Variants in SND1 observed in about 807,000 individuals in gnomAD.
SND1 encodes the protein staphylococcal nuclease and tudor domain containing 1.
A neutral mutation model predicts 121.7 loss-of-function variants in SND1; 38 were observed. The observed-to-expected ratio is 0.31, with a 90% CI of 0.24 to 0.41. The LOEUF (loss-of-function observed/expected upper bound fraction) is 0.41. Among genes scored for constraint, SND1 ranks in the 10% least tolerant of loss-of-function variants. The pLI is 1.00. For missense variants in SND1, 868 were observed against 1,184.6 expected, an observed-to-expected ratio of 0.73 and a Z score of 3.92; for synonymous variants, 401 against 447.4, an observed-to-expected ratio of 0.90 and a Z score of 1.31.
intron 11 of SND1, among the ~76,000 whole-genome samples, chr7:127,833,508 A>G (rs1459863722): frequency 6.6e-6 from 1 of 151,528 alleles, no homozygotes; most frequent in Non-Finnish European, 1.5e-5. Flanking sequence ...CAAATGATCC[A>G]CCCACCTTGG....
chr7:127,896,240 C>T (rs1238413383), intron 13 of SND1, among the ~76,000 whole-genome samples: 1 of 152,076 alleles, frequency 6.6e-6, no homozygotes, highest in Non-Finnish European at 1.5e-5. Context: ...TATTTTCTTC[C>T]GTCTCACTCT....
In SND1 at chr7:128,089,613, AG is replaced by A; in HGVS notation, c.2546del (p.Gly849AlafsTer8). 1 of 1,614,144 alleles carries A rather than the reference AG, an allele frequency of 6.2e-7. No individual in the cohort carries two copies. The highest frequency in any genetic ancestry group is 8.5e-7 in the Non-Finnish European group (1 of 1,180,026). ...PHVTLQFADS[K>X]GDVGLGLVKE... ...GTCACCCTGCAGTTTGCAGATTCCAAGGGCGATGTGGGGCTGGGCTTGGTGA... is the reference window on the plus strand; with the variant it reads ...GTCACCCTGCAGTTTGCAGATTCCAAGGCGATGTGGGGCTGGGCTTGGTGA... On this transcript the variant is annotated frameshift_variant, in exon 22 of 24. Coordinates refer to ENST00000354725, the MANE Select transcript of SND1 (RefSeq NM_014390.4). LOFTEE classifies it high-confidence loss of function.
intron 13 of SND1, among the ~76,000 whole-genome samples, chr7:127,897,645 T>G (rs556831420): frequency 6.6e-6 from 1 of 152,260 alleles, no homozygotes; most frequent in East Asian, 1.9e-4. Context: ...TTTCTTGCCC[T>G]ATGACAGCAG....
chr7:127,858,185 T>G, intron 12 of SND1: 1 of 793,396 alleles, frequency 1.3e-6, no homozygotes. Context: ...CCCCAAACCC[T>G]TCAGCCGCAT....
chr7:127,838,981 A>T (rs1798916182), intron 11 of SND1, among the ~76,000 whole-genome samples: 1 of 152,266 alleles, frequency 6.6e-6, no homozygotes. Context: ...GCAGTGAGAT[A>T]CGCACAGTAA....
At chr7:127,674,973 G>A (rs766714929) in intron 1 of SND1, among the ~76,000 whole-genome samples, 1 of 152,226 alleles carries the variant, frequency 6.6e-6, no homozygotes, top group African/African-American at 2.4e-5. Context: ...GGCCAAGGCA[G>A]GCAGATCACC....
rs138758524 is a variant in SND1 at position 128,074,058 on chromosome 7, A to T, written c.1780-444A>T. On this transcript the variant is annotated intron_variant, in intron 16 of 23. Coordinates refer to ENST00000354725, the MANE Select transcript of SND1 (RefSeq NM_014390.4). The stretch of plus-strand genomic sequence containing the variant: ...ACCACTTTAATTACCTTCATTAGAC[A>T]CGAATTCATTCAGCTCTACCAGGAA... Among the ~76,000 whole-genome samples the T allele has an allele frequency of 6.9e-4, 105 of 152,182 alleles. No homozygotes were observed. In the East Asian group the frequency reaches 0.015, roughly 22 times the overall value.
intron 14 of SND1, among the ~76,000 whole-genome samples, chr7:127,915,841 GGAA>G (rs1410023916): frequency 9.2e-5 from 14 of 152,360 alleles, no homozygotes; most frequent in Admixed American, 8.5e-4. Context: ...TGTTCACAAT[GGAA>G]GACCAGTCAG....
chr7:128,069,650 A>T (rs1793374307), intron 16 of SND1, among the ~76,000 whole-genome samples: 1 of 152,280 alleles, frequency 6.6e-6, no homozygotes, highest in Non-Finnish European at 1.5e-5. Flanking sequence ...TAAATAATTT[A>T]TGATGATCGT....
At chr7:127,689,793 C>T (rs1795879227) in intron 2 of SND1, among the ~76,000 whole-genome samples, 2 of 152,138 alleles carry the variant, frequency 1.3e-5, no homozygotes, top group African/African-American at 4.8e-5. Context: ...ATTTCTCCTT[C>T]CTAATAATCC....
At chr7:127,922,200 T>TTTGTTTTGTTTTGC in intron 14 of SND1, among the ~76,000 whole-genome samples, 1 of 112,912 alleles carries the variant, frequency 8.9e-6, no homozygotes, top group African/African-American at 3.6e-5. Flanking sequence ...TTTTTTTTTT[T>TTTGTTTTGTTTTGC]TTTGTTTTGT....
intron 10 of SND1, among the ~76,000 whole-genome samples, chr7:127,781,554 A>G (rs1311994847): frequency 2.0e-5 from 3 of 147,658 alleles, no homozygotes; most frequent in Non-Finnish European, 4.5e-5. Context: ...CATAGGAGTT[A>G]AGAAAGGAAG....
chr7:127,924,695 G>A (rs573026315), intron 14 of SND1, among the ~76,000 whole-genome samples: 3 of 152,172 alleles, frequency 2.0e-5, no homozygotes, highest in East Asian at 3.9e-4. Flanking sequence ...ATTCTGCTTC[G>A]TCTGCTCTCC....
chr7:128,050,152 C>T (rs1793021581), intron 16 of SND1, among the ~76,000 whole-genome samples: 1 of 152,206 alleles, frequency 6.6e-6, no homozygotes, highest in African/African-American at 2.4e-5. Flanking sequence ...ATATGGAGCA[C>T]TTAATTTACC....
At chr7:127,800,160 T>C (rs1241042837) in intron 10 of SND1, among the ~76,000 whole-genome samples, 1 of 152,204 alleles carries the variant, frequency 6.6e-6, no homozygotes, top group Admixed American at 6.5e-5. Flanking sequence ...GAAATGGAAA[T>C]TGCAGCCTTT....
At chr7:127,931,507 G>A (rs1472329424) in intron 15 of SND1, among the ~76,000 whole-genome samples, 1 of 152,220 alleles carries the variant, frequency 6.6e-6, no homozygotes, top group East Asian at 1.9e-4. Flanking sequence ...TGCTGATGTA[G>A]AAGCTGCAAC....
At chr7:127,918,527 T>C (rs1294312444) in intron 14 of SND1, among the ~76,000 whole-genome samples, 1 of 152,180 alleles carries the variant, frequency 6.6e-6, no homozygotes, top group East Asian at 1.9e-4. Flanking sequence ...GGTTTCCTTA[T>C]TTATTTCTTT....
intron 10 of SND1, among the ~76,000 whole-genome samples, chr7:127,759,783 C>A (rs1404770514): frequency 1.3e-5 from 2 of 152,226 alleles, no homozygotes; most frequent in African/African-American, 4.8e-5. Flanking sequence ...TCCAACACCA[C>A]AGGGTTCAGC....
intron 16 of SND1, among the ~76,000 whole-genome samples, chr7:128,007,509 T>TC (rs1036359450): frequency 6.6e-6 from 1 of 152,218 alleles, no homozygotes; most frequent in African/African-American, 2.4e-5. Flanking sequence ...CCACTGGGGC[T>TC]CCAGATATGC....
Sources: allele counts gnomAD v4.1 joint callset (sites outside exome capture counted in the v4.1 genomes callset), GRCh38; gene constraint gnomAD v4.1.1; transcripts MANE v1.5; gene names NCBI Gene and HGNC (gene_info 2026-07-23, HGNC 2026-07-21).